Variants in PIN4 observed in about 807,000 individuals in gnomAD.
PIN4 encodes the protein peptidylprolyl cis/trans isomerase, NIMA-interacting 4, also known as peptidyl-prolyl cis-trans isomerase NIMA-interacting 4.
PIN4 carries 3 observed loss-of-function variants against 8.3 expected under a neutral mutation model. The observed-to-expected ratio is 0.36, with a 90% CI of 0.16 to 0.93. The LOEUF (loss-of-function observed/expected upper bound fraction) is 0.93, where lower values mean the gene tolerates loss of function less well. Ranked by LOEUF, PIN4 falls within the 40% of genes least tolerant of loss-of-function variation. The pLI, the probability that PIN4 is intolerant of heterozygous loss-of-function variation, is 0.44. For missense variants in PIN4, 75 were observed against 100.6 expected, an observed-to-expected ratio of 0.75 and a Z score of 1.09; for synonymous variants, 18 against 32.5, an observed-to-expected ratio of 0.55 and a Z score of 1.52.
intron 3 of PIN4, chrX:72,205,804 G>C (rs751800190): frequency 1.7e-6 from 2 of 1,210,252 alleles, no homozygotes; most frequent in Admixed American, 4.4e-5. Flanking sequence ...CCCTGCTCTG[G>C]AATTAGGTGC....
upstream of PIN4, chrX:72,181,686 C>A (rs2042672629): frequency 2.3e-6 from 2 of 864,487 alleles, no homozygotes; most frequent in South Asian, 2.0e-5. Context: ...AATTGAGATG[C>A]GGCTTTCAGG....
chrX:72,244,930 T>C (rs750360494), intron 3 of PIN4, among the ~76,000 whole-genome samples: 48 of 105,852 alleles, frequency 4.5e-4, no homozygotes, highest in Middle Eastern at 4.8e-3. Context: ...AAAAATTAGC[T>C]GTGTGTGGTG....
At chrX:72,199,045 G>A (rs1277889331), downstream of PIN4, 5 of 109,643 alleles carry the variant, frequency 4.6e-5, no homozygotes, top group African/African-American at 1.0e-4. Flanking sequence ...GTGAGACCCC[G>A]TGTCTAAAAA....
rs201082877 is a variant in PIN4 at position 72,193,148 on chromosome X, CTT to C, written c.118-3635_118-3634del. Reference sequence around the variant, plus strand: ...GCAGACCCCACAGGAATGAAAAACTCTTTGTCGCACTGTCTAAACTAGAATAC... The same window carrying C: ...GCAGACCCCACAGGAATGAAAAACTCTGTCGCACTGTCTAAACTAGAATAC... On this transcript the variant is annotated intron_variant, in intron 2 of 3. Transcript: ENST00000373669. Among the ~76,000 whole-genome samples, 1,014 of 111,647 alleles carry C rather than the reference CTT, an allele frequency of 9.1e-3. 12 individuals carry two copies. The highest frequency in any genetic ancestry group is 0.031 in the African/African-American group (947 of 30,597).
rs527281121 is a variant in PIN4 at position 72,210,663 on chromosome X, C to T, written c.312+13759C>T. Among the ~76,000 whole-genome samples, 6 of 111,301 alleles carry T rather than the reference C, an allele frequency of 5.4e-5. No homozygotes were observed. The South Asian group carries it at 1.5e-3, about 28-fold the overall frequency. ...GGCCAGAGTCCCCACTAATCACACA[C>T]GCCAGCCTTTTAAATGGCAACTGTG... On this transcript the variant is annotated intron_variant, in intron 3 of 3. Transcript: ENST00000423432.
rs1160779270 is a variant in PIN4, at chrX:72,207,741, C to T, written c.312+10837C>T. The T allele has an allele frequency of 2.5e-6, 3 of 1,211,315 alleles. No individual in the cohort carries two copies. In the South Asian group the frequency reaches 5.3e-5, roughly 21 times the overall value. ...CTGGATTCTTTTCATTAAGTCTGGC[C>T]TCTGGGTTGCTTGACTTTTTCTTCT... On this transcript the variant is annotated intron_variant, in intron 3 of 3. Transcript: ENST00000423432.
intron 3 of PIN4, chrX:72,206,125 A>G (rs2042818113): frequency 8.3e-7 from 1 of 1,211,948 alleles, no homozygotes; most frequent in Admixed American, 2.2e-5. Context: ...TAGTTGATCT[A>G]AATTTGGCCC....
rs1230012818 is a variant in PIN4, at chrX:72,250,736, G to GT, written c.313-11950dup. ...GTGACAATAAATATTCTGGTATATG[G>GT]TTTTTTTTTTTTTTTTTTTTTGAGA... is the stretch of plus-strand genomic sequence containing the variant. On this transcript the variant is annotated intron_variant, in intron 3 of 3. Transcript: ENST00000423432. 6.0e-3 allele frequency among the ~76,000 whole-genome samples: 444 copies of GT among 74,310 alleles called. 4 individuals are homozygous for GT. Among genetic ancestry groups the GT allele is most frequent in the African/African-American group, 0.011 (196 of 17,602 alleles). 64.5% of individuals were successfully genotyped at this position (74,310 alleles called of 115,157 possible).
chrX:72,224,635 A>G (rs2042944128), intron 3 of PIN4, among the ~76,000 whole-genome samples: 1 of 111,124 alleles, frequency 9.0e-6, no homozygotes, highest in Non-Finnish European at 1.9e-5. Flanking sequence ...AATCCCAGCT[A>G]CTCGGAGGCT....
chrX:72,262,772 A>G (rs1187099255), exon 4 of PIN4: 2 of 1,135,220 alleles, frequency 1.8e-6, no homozygotes, highest in Admixed American at 5.2e-5. Context: ...TCTCATTGGT[A>G]TCATATTTAC....
At chrX:72,210,044 G>A (rs1441478983) in intron 3 of PIN4, among the ~76,000 whole-genome samples, 4 of 108,188 alleles carry the variant, frequency 3.7e-5, no homozygotes, top group East Asian at 2.9e-4. Context: ...ATATGATGCC[G>A]AACACACAAG....
rs147277546 is a variant in PIN4, at chrX:72,196,016, G to A, written c.118-769G>A. 9.1e-3 allele frequency among the ~76,000 whole-genome samples: 1,013 copies of A among 110,744 alleles called. 20 individuals are homozygous for A. Among genetic ancestry groups the A allele is most frequent in the African/African-American group, 0.032 (971 of 30,265 alleles). Reference sequence around the variant, plus strand: ...TGCCTGTAATCCCAGCTACTCGGGAGGCTAAGGCAAGAGAATTGCTTGAAC... The same window carrying A: ...TGCCTGTAATCCCAGCTACTCGGGAAGCTAAGGCAAGAGAATTGCTTGAAC... On this transcript the variant is annotated intron_variant, in intron 2 of 3. Coordinates refer to ENST00000373669, the MANE Select transcript of PIN4 (RefSeq NM_006223.4).
At chrX:72,200,161 C>CAA (rs1176406555), downstream of PIN4, among the ~76,000 whole-genome samples, 3 of 44,526 alleles carry the variant, frequency 6.7e-5, no homozygotes, top group Non-Finnish European at 1.4e-4. Flanking sequence ...AAAACTGTCT[C>CAA]AAAAAAAAAA....
chrX:72,218,491 T>TTC (rs2042900001), intron 3 of PIN4, among the ~76,000 whole-genome samples: 1 of 103,344 alleles, frequency 9.7e-6, no homozygotes, highest in African/African-American at 3.7e-5. Flanking sequence ...GTCAATTTCT[T>TTC]TCTCTTTTTT....
At chrX:72,205,094 T>C in intron 3 of PIN4, 1 of 1,211,680 alleles carries the variant, frequency 8.3e-7, no homozygotes, top group Non-Finnish European at 1.1e-6. Flanking sequence ...TCAAGCGCTT[T>C]AACTAAGCAG....
At chrX:72,222,493 C>T (rs1159624863) in intron 3 of PIN4, among the ~76,000 whole-genome samples, 2 of 110,860 alleles carry the variant, frequency 1.8e-5, no homozygotes, top group East Asian at 5.6e-4. Context: ...GACAGAACCA[C>T]ATGATTACCT....
intron 2 of PIN4, 46 bp downstream of exon 2, chrX:72,186,580 T>G: frequency 1.2e-6 from 1 of 858,301 alleles, no homozygotes; most frequent in Non-Finnish European, 1.7e-6. Context: ...TAAATTCTGT[T>G]TATGTGTTAG....
At chrX:72,208,713 A>AG (rs1642354428) in intron 3 of PIN4, 3 of 1,138,520 alleles carry the variant, frequency 2.6e-6, no homozygotes, top group Non-Finnish European at 3.5e-6. Context: ...AGAAAAAAAA[A>AG]GAAGAAGAGG....
At chrX:72,242,050 C>G (rs1225144978) in intron 3 of PIN4, among the ~76,000 whole-genome samples, 2 of 111,325 alleles carry the variant, frequency 1.8e-5, no homozygotes, top group Admixed American at 9.6e-5. Flanking sequence ...TGCTTTGGCT[C>G]AGGGTCCACC....
Sources: allele counts gnomAD v4.1 joint callset (sites outside exome capture counted in the v4.1 genomes callset), GRCh38; gene constraint gnomAD v4.1.1; transcripts MANE v1.5; gene names NCBI Gene and HGNC (gene_info 2026-07-23, HGNC 2026-07-21).